DAB1: variants seen among roughly 807,000 people sequenced by gnomAD.
DAB1 encodes the protein disabled homolog 1.
DAB1 carries 15 observed loss-of-function variants against 64.6 expected under a neutral mutation model. The ratio of observed to expected loss-of-function variants is 0.23; its 90% CI spans 0.16 to 0.36. DAB1 has a LOEUF of 0.36. Among genes scored for constraint, DAB1 ranks in the 10% least tolerant of loss-of-function variants. The probability of loss-of-function intolerance (pLI) is 1.00; values close to 1 mark genes in which losing one functional copy is unlikely to be tolerated. For missense variants in DAB1, 596 were observed against 706.7 expected, an observed-to-expected ratio of 0.84 and a Z score of 1.78; for synonymous variants, 235 against 251.9, an observed-to-expected ratio of 0.93 and a Z score of 0.64.
chr1:57,955,244 C>T (rs1304031758), intron 5 of DAB1, among the ~76,000 whole-genome samples: 1 of 152,164 alleles, frequency 6.6e-6, no homozygotes, highest in Non-Finnish European at 1.5e-5. Flanking sequence ...AGGTCTCCTC[C>T]CTCCTGATTA....
chr1:58,391,188 TG>T (rs1209712738), intron 3 of DAB1, among the ~76,000 whole-genome samples: 1 of 152,182 alleles, frequency 6.6e-6, no homozygotes, highest in Non-Finnish European at 1.5e-5. Flanking sequence ...GCCTGCTGGC[TG>T]GGGCAAGAGC....
chr1:58,199,148 A>G (rs967264485), intron 4 of DAB1, among the ~76,000 whole-genome samples: 1 of 152,132 alleles, frequency 6.6e-6, no homozygotes, highest in Non-Finnish European at 1.5e-5. Flanking sequence ...AACTGCCTGC[A>G]GTCCTATTGA....
At chr1:57,017,105 A>T (rs1646460189) in intron 11 of DAB1, among the ~76,000 whole-genome samples, 1 of 151,980 alleles carries the variant, frequency 6.6e-6, no homozygotes, top group African/African-American at 2.4e-5. Flanking sequence ...CTTCTATTTG[A>T]TTGTATTAGA....
intron 2 of DAB1, among the ~76,000 whole-genome samples, chr1:57,198,682 CACACACA>C (rs1664845582): frequency 1.3e-5 from 2 of 151,628 alleles, no homozygotes; most frequent in African/African-American, 2.4e-5. Flanking sequence ...CACACACACA[CACACACA>C]CCCATCAACT....
At chr1:57,800,759 T>C (rs1249930154) in intron 6 of DAB1, among the ~76,000 whole-genome samples, 1 of 152,244 alleles carries the variant, frequency 6.6e-6, no homozygotes, top group African/African-American at 2.4e-5. Flanking sequence ...AGTGACCTGT[T>C]AGCAGTATAA....
At chr1:57,378,798 C>T (rs1681118134) in intron 1 of DAB1, among the ~76,000 whole-genome samples, 1 of 152,132 alleles carries the variant, frequency 6.6e-6, no homozygotes, top group Non-Finnish European at 1.5e-5. Context: ...GCCTCAGCGA[C>T]TTGGAGGGGG....
At chr1:57,395,724 G>T (rs1404218105) in intron 1 of DAB1, among the ~76,000 whole-genome samples, 1 of 151,002 alleles carries the variant, frequency 6.6e-6, no homozygotes, top group East Asian at 1.9e-4. Context: ...ATAGCCACAG[G>T]TATCCCATGG....
intron 1 of DAB1, chr1:57,867,144 G>A (rs1331934182): frequency 1.3e-5 from 2 of 152,136 alleles, no homozygotes; most frequent in Non-Finnish European, 1.5e-5. Context: ...GATGGATGGA[G>A]CTCTCCGTTG....
At chr1:57,098,503 A>G (rs1366472342) in intron 4 of DAB1, among the ~76,000 whole-genome samples, 1 of 152,150 alleles carries the variant, frequency 6.6e-6, no homozygotes, top group Non-Finnish European at 1.5e-5. Flanking sequence ...GAAGGAGTGA[A>G]TTGCTGAACT....
At chr1:57,603,179 G>T (rs1829984) in intron 7 of DAB1, among the ~76,000 whole-genome samples, 35,979 of 152,026 alleles carry the variant, frequency 0.24, 4,599 homozygotes, top group East Asian at 0.33. Flanking sequence ...CTCCATGTTG[G>T]TCAGGCTGGT....
chr1:57,315,966 G>T (rs1271109064), intron 1 of DAB1, among the ~76,000 whole-genome samples: 2 of 152,142 alleles, frequency 1.3e-5, no homozygotes, highest in African/African-American at 2.4e-5. Context: ...AACTTTTTCT[G>T]GGGTAACTTT....
At chr1:58,129,373 G>T (rs549205398) in intron 5 of DAB1, among the ~76,000 whole-genome samples, 2 of 139,824 alleles carry the variant, frequency 1.4e-5, no homozygotes, top group Admixed American at 7.1e-5. Context: ...TCTTGCTAGC[G>T]GTCTATCAAT....
intron 2 of DAB1, among the ~76,000 whole-genome samples, chr1:57,200,222 A>T (rs1664981342): frequency 6.6e-6 from 1 of 152,214 alleles, no homozygotes; most frequent in African/African-American, 2.4e-5. Context: ...TTTAGCCTGA[A>T]GACAGTCTGG....
chr1:57,473,988 G>C (rs17115853), intron 7 of DAB1, among the ~76,000 whole-genome samples: 3,184 of 152,162 alleles, frequency 0.021, 115 homozygotes, highest in East Asian at 0.18. Flanking sequence ...TAAAACAAAA[G>C]AACAATGCAT....
intron 2 of DAB1, among the ~76,000 whole-genome samples, chr1:57,271,139 G>GT (rs1214530962): frequency 6.6e-6 from 1 of 152,230 alleles, no homozygotes; most frequent in Admixed American, 6.5e-5. Context: ...GGAGTGCTAA[G>GT]TGAACAGGTG....
chr1:57,542,721 A>G (rs913396155), intron 7 of DAB1, among the ~76,000 whole-genome samples: 1 of 152,134 alleles, frequency 6.6e-6, no homozygotes, highest in Admixed American at 6.5e-5. Context: ...TCCTGTTCAC[A>G]GTATTCAGCC....
chr1:57,458,173 A>G (rs1302588941), intron 7 of DAB1, among the ~76,000 whole-genome samples: 2 of 152,106 alleles, frequency 1.3e-5, no homozygotes, highest in African/African-American at 2.4e-5. Context: ...TATACATACT[A>G]TATATATTCT....
chr1:58,454,293 G>T (rs1025706867), intron 3 of DAB1, among the ~76,000 whole-genome samples: 4 of 152,276 alleles, frequency 2.6e-5, no homozygotes, highest in African/African-American at 9.6e-5. Context: ...TCCCTGGGAT[G>T]CAAAGTCAAG....
intron 3 of DAB1, among the ~76,000 whole-genome samples, chr1:57,142,609 C>CACACACACACAT (rs1557797282): frequency 6.7e-6 from 1 of 149,178 alleles, no homozygotes; most frequent in Non-Finnish European, 1.5e-5. Flanking sequence ...CACACACACA[C>CACACACACACAT]ACACACACAC....
Sources: allele counts gnomAD v4.1 joint callset (sites outside exome capture counted in the v4.1 genomes callset), GRCh38; gene constraint gnomAD v4.1.1; transcripts MANE v1.5; gene names NCBI Gene and HGNC (gene_info 2026-07-23, HGNC 2026-07-21).